DPP6: variants seen among roughly 807,000 people sequenced by gnomAD.
DPP6 encodes A-type potassium channel modulatory protein DPP6.
DPP6 carries 69 observed loss-of-function variants against 122.6 expected under a neutral mutation model. The observed-to-expected ratio is 0.56, with a 90% CI of 0.46 to 0.69. DPP6 has a LOEUF of 0.69. Among genes scored for constraint, DPP6 ranks in the 30% least tolerant of loss-of-function variants. DPP6 has a pLI of 0.00. For missense variants in DPP6, 928 were observed against 1,116.9 expected, an observed-to-expected ratio of 0.83 and a Z score of 2.41; for synonymous variants, 418 against 433.1, an observed-to-expected ratio of 0.97 and a Z score of 0.43.
At chr7:154,678,399 C>T (rs541814604) in intron 7 of DPP6, among the ~76,000 whole-genome samples, 5 of 152,184 alleles carry the variant, frequency 3.3e-5, no homozygotes, top group African/African-American at 1.2e-4. Context: ...TCAGTGAGAC[C>T]ACAAACCCAC....
chr7:154,833,466 T>C lies in DPP6; in HGVS notation c.1667-20314T>C, dbSNP rs1464515727. Among the ~76,000 whole-genome samples, 1 of 152,120 alleles carries C rather than the reference T, an allele frequency of 6.6e-6. No homozygotes were observed. The highest frequency in any genetic ancestry group is 1.5e-5 in the Non-Finnish European group (1 of 68,014). ...GGCTGCCTCATCTACAAATTTGGGA[T>C]AGTAGTACCAGCCTTGTACGGCTGA... On this transcript the variant is annotated intron_variant, in intron 16 of 25. Transcript: ENST00000377770. This position sits in a 1 kb window ranked among gnomAD's most constrained non-coding sequence, Gnocchi z 4.3.
At chr7:154,640,451 A>C (rs887996097) in intron 6 of DPP6, among the ~76,000 whole-genome samples, 1 of 137,952 alleles carries the variant, frequency 7.2e-6, no homozygotes, top group Non-Finnish European at 1.6e-5. Context: ...CCCTGTCACC[A>C]TGTCACTGAA....
intron 1 of DPP6, among the ~76,000 whole-genome samples, chr7:154,173,184 A>G (rs1182937706): frequency 6.6e-6 from 1 of 152,186 alleles, no homozygotes; most frequent in African/African-American, 2.4e-5. Context: ...TCCCAATAAC[A>G]ATAACATTAC....
At chr7:154,357,568 C>T (rs181806772) in intron 1 of DPP6, among the ~76,000 whole-genome samples, 18 of 152,272 alleles carry the variant, frequency 1.2e-4, no homozygotes, top group Non-Finnish European at 2.1e-4. Flanking sequence ...GTGGACTATT[C>T]GATTTTCATT....
upstream of DPP6, among the ~76,000 whole-genome samples, chr7:154,048,801 C>CT (rs1456380783): frequency 1.7e-5 from 2 of 119,588 alleles, no homozygotes; most frequent in Non-Finnish European, 3.8e-5. Flanking sequence ...AAAAATCATG[C>CT]TTAGGCTGCT....
chr7:154,326,907 G>T (rs1215017744), intron 1 of DPP6, among the ~76,000 whole-genome samples: 3 of 152,202 alleles, frequency 2.0e-5, no homozygotes, highest in Non-Finnish European at 2.9e-5. Context: ...AAAGGGAGGT[G>T]ATTGGTCTTG....
At chr7:154,465,418 C>G (rs1484943726) in intron 2 of DPP6, among the ~76,000 whole-genome samples, 2 of 152,134 alleles carry the variant, frequency 1.3e-5, no homozygotes, top group South Asian at 2.1e-4. Context: ...CAAGAGTGAA[C>G]AGGCAACCTA....
At chr7:154,410,590 G>A (rs1293448647) in intron 1 of DPP6, among the ~76,000 whole-genome samples, 1 of 152,148 alleles carries the variant, frequency 6.6e-6, no homozygotes, top group African/African-American at 2.4e-5. Context: ...CTGATCTGTG[G>A]AGATAGGTGG....
At chr7:154,493,271 C>T (rs752415697) in intron 3 of DPP6, among the ~76,000 whole-genome samples, 5 of 152,146 alleles carry the variant, frequency 3.3e-5, no homozygotes, top group South Asian at 2.1e-4. Context: ...ATGAATTATA[C>T]GTTGGATAAG....
intron 8 of DPP6, among the ~76,000 whole-genome samples, chr7:154,745,883 C>A (rs1843013946): frequency 6.6e-6 from 1 of 151,436 alleles, no homozygotes; most frequent in South Asian, 2.1e-4. Context: ...CTAGACCCCA[C>A]CTCCCATGAC....
chr7:154,198,657 T>C (rs4074817), intron 1 of DPP6, among the ~76,000 whole-genome samples: 100,327 of 152,176 alleles, frequency 0.66, 37,358 homozygotes, highest in Non-Finnish European at 0.82. Context: ...CTAAGCATTA[T>C]GCAACTCTGG....
the DPP6 span, among the ~76,000 whole-genome samples, chr7:153,817,538 G>A: frequency 6.6e-6 from 1 of 151,638 alleles, no homozygotes; most frequent in Non-Finnish European, 1.5e-5. Context: ...TCACTGTATT[G>A]CATTTAAAAA....
intron 8 of DPP6, among the ~76,000 whole-genome samples, chr7:154,730,521 A>G (rs1400583362): frequency 6.6e-6 from 1 of 152,218 alleles, no homozygotes; most frequent in Non-Finnish European, 1.5e-5. Flanking sequence ...AATAAAAATA[A>G]CAATAATTAT....
At chr7:154,687,632 C>T (rs1049377677) in intron 7 of DPP6, among the ~76,000 whole-genome samples, 21 of 152,176 alleles carry the variant, frequency 1.4e-4, no homozygotes, top group African/African-American at 4.8e-4. Flanking sequence ...AAGATCTTCT[C>T]TCATTTTACA....
rs1294009584 is a variant in DPP6 at position 154,028,554 on chromosome 7, G to A, written c.51+140820G>A. On this transcript the variant is annotated intron_variant, in intron 1 of 25. Transcript: ENST00000404039. Reference sequence around the variant, plus strand: ...CACATGCTCCCCCTGCATCCTCCTCGGTGGGGCTGACACGCAGGGACTTGC... The same window carrying A: ...CACATGCTCCCCCTGCATCCTCCTCAGTGGGGCTGACACGCAGGGACTTGC... Among the ~76,000 whole-genome samples, 7 of 151,624 alleles carry A rather than the reference G, an allele frequency of 4.6e-5. No individual in the cohort carries two copies. In the East Asian group the frequency reaches 7.7e-4, roughly 17 times the overall value.
chr7:154,060,248 G>GA (rs1470900398), intron 1 of DPP6, among the ~76,000 whole-genome samples: 1 of 136,834 alleles, frequency 7.3e-6, no homozygotes, highest in Non-Finnish European at 1.6e-5. Context: ...CCCATCGCTG[G>GA]GGGCGGAGGC....
intron 3 of DPP6, among the ~76,000 whole-genome samples, chr7:154,534,348 T>A (rs1005008156): frequency 2.6e-5 from 4 of 152,198 alleles, no homozygotes; most frequent in Non-Finnish European, 5.9e-5. Context: ...GTTCTAATGC[T>A]GATTTTATTT....
rs371830049 is a variant in DPP6 at position 154,081,164 on chromosome 7, A to G, written c.243+28101A>G. Among the ~76,000 whole-genome samples the G allele has an allele frequency of 6.5e-3, 978 of 151,320 alleles. 5 individuals carry two copies. The highest frequency in any genetic ancestry group is 0.015 in the African/African-American group (613 of 41,148). ...GCCCCTGATCAGCTGTGGTTAGTCC[A>G]AATGAGCCAGTATGCTGGGGCAGAG... On this transcript the variant is annotated intron_variant, in intron 1 of 25. Coordinates refer to ENST00000377770, the MANE Select transcript of DPP6 (RefSeq NM_130797.4).
intron 5 of DPP6, among the ~76,000 whole-genome samples, chr7:154,575,822 T>C (rs1036096672): frequency 2.0e-5 from 3 of 151,842 alleles, no homozygotes; most frequent in Non-Finnish European, 4.4e-5. Context: ...GTAGTGTGTG[T>C]GTGTGTTGTT....
Sources: gnomAD v4.1 joint callset for allele counts (sites outside exome capture counted in the v4.1 genomes callset) on GRCh38, gnomAD v4.1.1 for gene constraint, Gnocchi (gnomAD v3.1) non-coding constraint, MANE v1.5 for transcripts, NCBI Gene and HGNC (gene_info 2026-07-23, HGNC 2026-07-21) for gene names.